ABR: variants seen among roughly 807,000 people sequenced by gnomAD.
ABR encodes active breakpoint cluster region-related protein.
In ABR, 35 loss-of-function variants were observed where a neutral mutation model predicts 107.2. That is an observed-to-expected ratio of 0.33 (90% CI 0.25 to 0.43). ABR has a LOEUF of 0.43. Ranked by LOEUF, ABR falls within the 20% of genes least tolerant of loss-of-function variation. ABR has a pLI of 1.00. For missense variants in ABR, 815 were observed against 1,115.2 expected (o/e 0.73, Z 3.83); for synonymous variants, 498 against 462.0 (o/e 1.08, Z -1.00).
intron 10 of ABR, among the ~76,000 whole-genome samples, chr17:1,062,706 T>C: frequency 6.8e-6 from 1 of 146,616 alleles, no homozygotes; most frequent in Middle Eastern, 3.4e-3. Flanking sequence ...TAGACACTGC[T>C]ATTATGTGAA....
intron 1 of ABR, among the ~76,000 whole-genome samples, chr17:1,203,375 C>CG (rs1442590602): frequency 2.4e-5 from 1 of 42,532 alleles, no homozygotes; most frequent in East Asian, 8.4e-4. Context: ...CCCGTGGGGG[C>CG]GGGGCCTTGA....
At chr17:1,198,124 TGAG>T (rs1453177133) in intron 1 of ABR, among the ~76,000 whole-genome samples, 2 of 151,638 alleles carry the variant, frequency 1.3e-5, no homozygotes, top group East Asian at 3.9e-4. Flanking sequence ...TAACCAGAAA[TGAG>T]GAAGCTGCCA....
intron 3 of ABR, among the ~76,000 whole-genome samples, chr17:1,093,821 A>T (rs2037201737): frequency 6.6e-6 from 1 of 152,088 alleles, no homozygotes; most frequent in Admixed American, 6.6e-5. Flanking sequence ...GACAGAACCC[A>T]TGTTCACTGG....
chr17:1,211,080 C>T (rs1299780806), intron 1 of ABR, among the ~76,000 whole-genome samples: 1 of 152,168 alleles, frequency 6.6e-6, no homozygotes, highest in African/African-American at 2.4e-5. Context: ...GAGTTTGAGA[C>T]CAGCCTGTCC....
At chr17:1,007,807 C>T (rs564717582) in intron 21 of ABR, among the ~76,000 whole-genome samples, 1 of 152,348 alleles carries the variant, frequency 6.6e-6, no homozygotes, top group South Asian at 2.1e-4. Context: ...CAGGACCTAC[C>T]GCTCTGTTGC....
intron 2 of ABR, among the ~76,000 whole-genome samples, chr17:1,114,330 AG>A (rs2038881361): frequency 6.6e-6 from 1 of 151,514 alleles, no homozygotes; most frequent in Admixed American, 6.6e-5. Context: ...ATTAACCAGG[AG>A]GGGTGGCACA....
chr17:1,103,793 G>A (rs992776455), intron 2 of ABR, among the ~76,000 whole-genome samples: 20 of 152,150 alleles, frequency 1.3e-4, no homozygotes, highest in Admixed American at 6.6e-5. Context: ...GAGAGCGTAC[G>A]GATGGGAAAT....
rs1447860611 is a variant in ABR at position 1,150,656 on chromosome 17, G to T, written c.62-25289C>A. The stretch of plus-strand genomic sequence containing the variant: ...CCTGGGAGTCCAGGGCCCTTCACAA[G>T]TTTGGGTGAACACTCCTGGTACACG... On this transcript the variant is annotated intron_variant, in intron 1 of 22. Transcript: ENST00000302538. The surrounding 1 kb of genome is among the most constrained non-coding windows in gnomAD (Gnocchi z 4.8). Among the ~76,000 whole-genome samples, 5 of 152,176 alleles carry T rather than the reference G, an allele frequency of 3.3e-5. No homozygotes were observed. Among genetic ancestry groups the T allele is most frequent in the Non-Finnish European group, 2.9e-5 (2 of 68,022 alleles).
intron 1 of ABR, among the ~76,000 whole-genome samples, chr17:1,215,483 T>C (rs1003893905): frequency 6.6e-4 from 101 of 152,354 alleles, no homozygotes; most frequent in Non-Finnish European, 8.2e-4. Context: ...GCGAGTGATC[T>C]GCCAGCCTCG....
At chr17:1,203,401 G>GGGGCGGAGTCTGCGGGGGCGGGGCCCGC (rs1567889077) in intron 1 of ABR, among the ~76,000 whole-genome samples, 3 of 12,622 alleles carry the variant, frequency 2.4e-4, no homozygotes, top group African/African-American at 4.6e-4. Flanking sequence ...CGGGGCCCGC[G>GGGGCGGAGTCTGCGGGGGCGGGGCCCGC]GGGGGCGGAG....
chr17:1,153,984 C>A, intron 1 of ABR: 1 of 167,680 alleles, frequency 6.0e-6, no homozygotes, highest in Non-Finnish European at 1.3e-5. Flanking sequence ...TTCTCGGCAG[C>A]GAGCAGCTCC....
upstream of ABR, among the ~76,000 whole-genome samples, chr17:1,184,207 G>C (rs1186367582): frequency 6.6e-6 from 1 of 150,382 alleles, no homozygotes; most frequent in Non-Finnish European, 1.5e-5. Context: ...TGTAATCCCA[G>C]TACTCTGGGA....
At chr17:1,218,951 A>T (rs2043063232) in intron 1 of ABR, among the ~76,000 whole-genome samples, 1 of 152,170 alleles carries the variant, frequency 6.6e-6, no homozygotes, top group Admixed American at 6.6e-5. Context: ...CCACCCTCAC[A>T]AATGAAGTTA....
intron 6 of ABR, among the ~76,000 whole-genome samples, chr17:1,075,447 C>T (rs559203623): frequency 1.6e-4 from 24 of 152,370 alleles, no homozygotes; most frequent in African/African-American, 5.0e-4. Flanking sequence ...ATAAATACCC[C>T]GTGCGCGGCT....
At chr17:1,170,830 G>T (rs987588794) in intron 1 of ABR, among the ~76,000 whole-genome samples, 2 of 152,090 alleles carry the variant, frequency 1.3e-5, no homozygotes, top group Non-Finnish European at 2.9e-5. Context: ...CCAGGATCCT[G>T]GGAGACCCAA....
intron 1 of ABR, among the ~76,000 whole-genome samples, chr17:1,175,976 A>G (rs2041905072): frequency 6.6e-6 from 1 of 152,158 alleles, no homozygotes; most frequent in Non-Finnish European, 1.5e-5. Context: ...CTGCAGTCCC[A>G]GCTACTCGGG....
intron 2 of ABR, among the ~76,000 whole-genome samples, chr17:1,111,862 G>A (rs1243304332): frequency 1.3e-5 from 2 of 152,178 alleles, no homozygotes; most frequent in East Asian, 3.9e-4. Context: ...ACCTGCCCCG[G>A]CCACTGGGTC....
At chr17:1,171,801 G>A (rs912032215) in intron 1 of ABR, among the ~76,000 whole-genome samples, 7 of 152,176 alleles carry the variant, frequency 4.6e-5, no homozygotes, top group African/African-American at 1.4e-4. Flanking sequence ...CGTGGTGGCA[G>A]CACCTGTAAT....
rs2032332252 is a variant in ABR, at chr17:1,050,413, G to A, written c.1659+124C>T. ...CACACCGCGATCAGAAGCCAGAGGA[G>A]CAGGGAGCAGAAAGGGGGGTGCAGA... On this transcript the variant is annotated intron_variant, in intron 15 of 22. Transcript: ENST00000302538. This position sits in a 1 kb window ranked among gnomAD's most constrained non-coding sequence, Gnocchi z 4.6. 9.7e-7 allele frequency: 1 copy of A among 1,028,348 alleles called. No individual in the cohort carries two copies. The highest frequency in any genetic ancestry group is 1.6e-5 in the African/African-American group (1 of 64,008). 63.7% of individuals were successfully genotyped at this position (1,028,348 alleles called of 1,614,324 possible). A position where few individuals can be genotyped will look rare whatever the true frequency, so the allele number is the denominator to read the frequency against.
Sources: allele counts gnomAD v4.1 joint callset (sites outside exome capture counted in the v4.1 genomes callset), GRCh38; gene constraint gnomAD v4.1.1; non-coding constraint Gnocchi (gnomAD v3.1); transcripts MANE v1.5; gene names NCBI Gene and HGNC (gene_info 2026-07-23, HGNC 2026-07-21).